The following ETV7 variants were observed in gnomAD, a reference collection of about 807,000 sequenced individuals.
ETV7 encodes the protein ETS variant transcription factor 7.
Under a neutral mutation model 39.1 loss-of-function variants are expected in ETV7, and 43 were observed. The ratio of observed to expected loss-of-function variants is 1.10; its 90% confidence interval spans 0.86 to 1.42. ETV7 has a LOEUF of 1.42. Among genes scored for constraint, ETV7 ranks in the 40% most tolerant of loss-of-function variants. The pLI is 0.00. For synonymous variants in ETV7, 196 were observed against 176.6 expected, an observed-to-expected ratio of 1.11 and a Z score of -0.87; for missense variants, 432 against 442.3, an observed-to-expected ratio of 0.98 and a Z score of 0.21.
intron 2 of ETV7, 89 bp downstream of exon 2, chr6:36,385,445 C>A: frequency 1.9e-6 from 3 of 1,544,948 alleles, no homozygotes; most frequent in Non-Finnish European, 2.7e-6. Flanking sequence ...GCACTCTAGC[C>A]TAAGTAAGCA....
rs80326473 is a variant in ETV7, at chr6:36,366,372, C to T, written c.*273G>A. On this transcript the variant is annotated 3_prime_UTR_variant, in exon 8 of 8. Coordinates refer to ENST00000340181, the MANE Select transcript of ETV7 (RefSeq NM_016135.4). ...ACAGGGGTGGGGCTGGGTGCTCTAT[C>T]GGTGCCTGGCTTCCTCTCCCAGGGG... is the stretch of plus-strand genomic sequence containing the variant. 2 of 1,270,650 alleles carry T rather than the reference C, an allele frequency of 1.6e-6. No homozygotes were observed. The highest frequency in any genetic ancestry group is 1.0e-6 in the Non-Finnish European group (1 of 1,002,424). The allele number at this position is 1,270,650 out of a possible 1,614,324, so 78.7% of individuals were successfully genotyped here.
At chr6:36,386,126 G>A (rs1331811255) in intron 1 of ETV7, among the ~76,000 whole-genome samples, 5 of 152,168 alleles carry the variant, frequency 3.3e-5, no homozygotes, top group African/African-American at 9.7e-5. Flanking sequence ...TCAGGAGTTT[G>A]AGACCAGCCT....
chr6:36,363,847 A>G (rs1345475291), downstream of ETV7, among the ~76,000 whole-genome samples: 2 of 152,106 alleles, frequency 1.3e-5, no homozygotes, highest in Admixed American at 1.3e-4. Context: ...CAGAGTGTCG[A>G]TTGGTGCATT....
chr6:36,379,523 G>A (rs1773542437), intron 2 of ETV7, among the ~76,000 whole-genome samples: 1 of 150,990 alleles, frequency 6.6e-6, no homozygotes, highest in Non-Finnish European at 1.5e-5. Context: ...ACTCCAGCCT[G>A]GGCAACAGAG....
At chr6:36,380,887 C>T (rs1353151188) in intron 2 of ETV7, among the ~76,000 whole-genome samples, 2 of 152,170 alleles carry the variant, frequency 1.3e-5, no homozygotes, top group Non-Finnish European at 2.9e-5. Context: ...ACCCCGACCC[C>T]GACTGGACCT....
At chr6:36,356,722 C>T (rs553957054) in intron 7 of ETV7, among the ~76,000 whole-genome samples, 4 of 152,328 alleles carry the variant, frequency 2.6e-5, no homozygotes, top group South Asian at 2.1e-4. Flanking sequence ...GGGGGCAGGA[C>T]ACTGTGATGG....
intron 2 of ETV7, among the ~76,000 whole-genome samples, chr6:36,376,887 G>A (rs1424610119): frequency 1.3e-5 from 2 of 152,164 alleles, no homozygotes; most frequent in African/African-American, 4.8e-5. Context: ...ATGGGGCACA[G>A]CCGGGCTGTC....
chr6:36,366,718 T>A lies in ETV7; in HGVS notation c.953A>T (p.His318Leu). Residue 318 changes from histidine to leucine, a missense_variant, in exon 8 of 8, where the codon CAC becomes CTC. His to Leu is a moderately conservative substitution (Grantham distance 99). Transcript: ENST00000340181. The part of the protein sequence containing the change: ...PGKMVQDKHS[H>L]LEPLESQEQD... ...CTCCTGGCTCTCCAGCGGCTCCAGG[T>A]GGCTGTGCTTGTCCTGGACCATCTT... The A allele has an allele frequency of 1.2e-6, 2 of 1,614,060 alleles. No homozygotes were observed. The highest frequency in any genetic ancestry group is 1.7e-6 in the Non-Finnish European group (2 of 1,179,992).
chr6:36,378,239 GGAA>G (rs1773473201), intron 2 of ETV7, among the ~76,000 whole-genome samples: 1 of 57,600 alleles, frequency 1.7e-5, no homozygotes, highest in Admixed American at 2.0e-4. Flanking sequence ...AATCTAATAT[GGAA>G]AAAAAAAAAA....
At position 36,366,864 on chromosome 6, in the gene ETV7, A is replaced by G; in HGVS notation, c.908+11T>C. ...TGCTTCCCCTTTCACCACATCCCCTAGGCCACTCACCTGAACAGGAGTTTC... is the reference window on the plus strand; with the variant it reads ...TGCTTCCCCTTTCACCACATCCCCTGGGCCACTCACCTGAACAGGAGTTTC... On this transcript the variant is annotated intron_variant, in intron 7 of 7. Transcript: ENST00000340181. The G allele has an allele frequency of 6.2e-7, 1 of 1,613,618 alleles. No homozygotes were observed. Among genetic ancestry groups the G allele is most frequent in the Middle Eastern group, 1.6e-4 (1 of 6,062 alleles).
At chr6:36,379,390 A>G (rs954136790) in intron 2 of ETV7, among the ~76,000 whole-genome samples, 2 of 151,826 alleles carry the variant, frequency 1.3e-5, no homozygotes, top group African/African-American at 2.4e-5. Flanking sequence ...CAAACAAAAA[A>G]ATTTTTTTTA....
At chr6:36,387,328 G>A (rs1468328691) in intron 1 of ETV7, among the ~76,000 whole-genome samples, 1 of 152,212 alleles carries the variant, frequency 6.6e-6, no homozygotes, top group African/African-American at 2.4e-5. Context: ...GTATGACACC[G>A]AGAGAGTCAG....
chr6:36,357,028 G>A (rs983306471), intron 7 of ETV7, among the ~76,000 whole-genome samples: 2 of 152,226 alleles, frequency 1.3e-5, no homozygotes, highest in Admixed American at 1.3e-4. Context: ...GTTGGGAGAA[G>A]ATATATGGCA....
chr6:36,359,481 AAAAG>A (rs1267154488), intron 7 of ETV7, among the ~76,000 whole-genome samples: 1 of 152,124 alleles, frequency 6.6e-6, no homozygotes, highest in Non-Finnish European at 1.5e-5. Context: ...AAAAAAAGAA[AAAAG>A]AAAGAAAGGG....
intron 2 of ETV7, among the ~76,000 whole-genome samples, chr6:36,382,345 A>G (rs755573456): frequency 2.6e-5 from 4 of 152,190 alleles, no homozygotes; most frequent in African/African-American, 4.8e-5. Context: ...TCACTTCCTT[A>G]GTAAGTCTTG....
At chr6:36,371,016 G>C (rs947864262) in intron 5 of ETV7, among the ~76,000 whole-genome samples, 4 of 152,220 alleles carry the variant, frequency 2.6e-5, no homozygotes, top group Non-Finnish European at 4.4e-5. Context: ...CTGGCACATA[G>C]TGAATGCTCA....
intron 4 of ETV7, 77 bp from the exon 5 acceptor site, chr6:36,371,637 T>A: frequency 7.7e-7 from 1 of 1,298,584 alleles, no homozygotes; most frequent in Non-Finnish European, 1.1e-6. Context: ...ATGGTGAGCC[T>A]GGGAGCCCTG....
rs1582196027 is a variant in ETV7, at chr6:36,373,486, T to C, written c.400A>G (p.Thr134Ala). Residue 134 changes from threonine to alanine, a missense_variant, in exon 4 of 8, where the codon ACG becomes GCG. By Grantham distance (58) the Thr-to-Ala change is moderately conservative. Transcript: ENST00000340181. ...PFFGGIFRLKTPTQHSPVPPE... is the reference protein window; with the variant it reads ...PFFGGIFRLKAPTQHSPVPPE... The stretch of plus-strand genomic sequence containing the variant: ...GGGACTGGAGAGTGCTGGGTGGGCG[T>C]CTTCAGCCTGAAGATCCCTCCAAAA... The C allele has an allele frequency of 6.3e-7, 1 of 1,581,054 alleles. No individual in the cohort carries two copies. The highest frequency in any genetic ancestry group is 8.6e-7 in the Non-Finnish European group (1 of 1,165,584).
chr6:36,367,125 G>T, intron 6 of ETV7, 150 bp from the exon 7 acceptor site: 1 of 670,720 alleles, frequency 1.5e-6, no homozygotes, highest in East Asian at 2.6e-5. Context: ...AGTTTGGAAG[G>T]AAAAAGGCAG....
Sources: gnomAD v4.1 joint callset for allele counts (sites outside exome capture counted in the v4.1 genomes callset) on GRCh38, gnomAD v4.1.1 for gene constraint, MANE v1.5 for transcripts, NCBI Gene and HGNC (gene_info 2026-07-23, HGNC 2026-07-21) for gene names.